The following SND1 variants were observed in gnomAD, a reference collection of about 807,000 sequenced individuals.
SND1 encodes staphylococcal nuclease domain-containing protein 1.
SND1 carries 38 observed loss-of-function variants against 121.7 expected under a neutral mutation model. The observed-to-expected ratio is 0.31, with a 90% CI of 0.24 to 0.41. The LOEUF (loss-of-function observed/expected upper bound fraction) is 0.41, where lower values mean the gene tolerates loss of function less well. Among genes scored for constraint, SND1 ranks in the 10% least tolerant of loss-of-function variants. The probability of loss-of-function intolerance (pLI) is 1.00; values close to 1 mark genes in which losing one functional copy is unlikely to be tolerated. For missense variants in SND1, 868 were observed against 1,184.6 expected (o/e 0.73, Z 3.92); for synonymous variants, 401 against 447.4 (o/e 0.90, Z 1.31).
At chr7:127,696,789 A>G (rs1796012993) in intron 3 of SND1, among the ~76,000 whole-genome samples, 2 of 152,258 alleles carry the variant, frequency 1.3e-5, no homozygotes, top group African/African-American at 4.8e-5. Flanking sequence ...AAACTGACTC[A>G]CATTACAAAC....
At chr7:127,953,164 G>C (rs912444232) in intron 15 of SND1, among the ~76,000 whole-genome samples, 1 of 39,554 alleles carries the variant, frequency 2.5e-5, no homozygotes, top group Non-Finnish European at 4.6e-5. Context: ...GTGTGTGTGT[G>C]TGTGTGTGTG....
At chr7:127,796,923 C>T (rs1180572294) in intron 10 of SND1, among the ~76,000 whole-genome samples, 4 of 114,222 alleles carry the variant, frequency 3.5e-5, no homozygotes, top group Non-Finnish European at 5.1e-5. Flanking sequence ...TATTGAGTCT[C>T]TCTCTGTCAC....
At chr7:127,914,054 C>G (rs3757767) in intron 14 of SND1, among the ~76,000 whole-genome samples, 133,072 of 152,194 alleles carry the variant, frequency 0.87, 58,470 homozygotes, top group African/African-American at 0.94. Context: ...AGTTGTTCAG[C>G]AAATGGTGTT....
chr7:128,008,398 G>A (rs974970331), intron 16 of SND1, among the ~76,000 whole-genome samples: 5 of 151,908 alleles, frequency 3.3e-5, no homozygotes, highest in African/African-American at 1.2e-4. Flanking sequence ...CCAAATCCAA[G>A]CTTCAGATAA....
At chr7:127,662,416 G>T (rs1164663018) in intron 1 of SND1, among the ~76,000 whole-genome samples, 3 of 152,082 alleles carry the variant, frequency 2.0e-5, no homozygotes, top group Non-Finnish European at 4.4e-5. Flanking sequence ...GTTGATATAT[G>T]TTGTTTTTAG....
At chr7:128,005,639 T>C (rs1223320874) in intron 16 of SND1, among the ~76,000 whole-genome samples, 1 of 152,212 alleles carries the variant, frequency 6.6e-6, no homozygotes, top group African/African-American at 2.4e-5. Context: ...TGATTTACAG[T>C]TGGGATTACT....
At chr7:127,858,672 T>G (rs979681219) in intron 12 of SND1, among the ~76,000 whole-genome samples, 1 of 152,160 alleles carries the variant, frequency 6.6e-6, no homozygotes, top group Non-Finnish European at 1.5e-5. Flanking sequence ...CCATAAACCA[T>G]AATGGACAGG....
At chr7:127,773,833 C>CAT (rs1563008393) in intron 10 of SND1, among the ~76,000 whole-genome samples, 4 of 152,190 alleles carry the variant, frequency 2.6e-5, no homozygotes, top group Admixed American at 2.0e-4. Context: ...GGACAGACCA[C>CAT]ATATACTCTT....
chr7:128,070,272 G>T (rs774250228), intron 16 of SND1, among the ~76,000 whole-genome samples: 29 of 152,170 alleles, frequency 1.9e-4, no homozygotes, highest in Non-Finnish European at 3.8e-4. Context: ...GCTTCAGCAT[G>T]GGCACTAAGT....
At chr7:127,908,175 G>A (rs769438678) in intron 14 of SND1, among the ~76,000 whole-genome samples, 3 of 151,974 alleles carry the variant, frequency 2.0e-5, no homozygotes, top group Admixed American at 1.3e-4. Context: ...CCTCTAGACC[G>A]GGCGTGGTGG....
At chr7:127,972,999 A>G (rs534093272) in intron 15 of SND1, among the ~76,000 whole-genome samples, 7 of 152,328 alleles carry the variant, frequency 4.6e-5, no homozygotes, top group Admixed American at 4.6e-4. Flanking sequence ...TGGAGACAAG[A>G]TTGGAGAGGG....
chr7:127,832,082 C>T, intron 11 of SND1, among the ~76,000 whole-genome samples: 1 of 152,156 alleles, frequency 6.6e-6, no homozygotes, highest in East Asian at 1.9e-4. Context: ...TTCTCAGCAG[C>T]TACATCATAT....
In SND1 at chr7:128,079,657, G is replaced by A. The variant is rs140484671; in HGVS notation, c.1969-1703G>A. On this transcript the variant is annotated intron_variant, in intron 17 of 23. Transcript: ENST00000354725. Reference sequence around the variant, plus strand: ...GTGGAAGAACACACGCTCAGGCCGCGTTAAAGGCAGAAGTGTGGGGTCTGG... The same window carrying A: ...GTGGAAGAACACACGCTCAGGCCGCATTAAAGGCAGAAGTGTGGGGTCTGG... Among the ~76,000 whole-genome samples, 725 of 152,352 alleles carry A rather than the reference G, an allele frequency of 4.8e-3. 12 individuals are homozygous for A. The highest frequency in any genetic ancestry group is 0.045 in the East Asian group (234 of 5,186).
chr7:127,904,720 A>G, intron 13 of SND1, 27 bp from the exon 14 acceptor site: 1 of 1,522,820 alleles, frequency 6.6e-7, no homozygotes. Context: ...TCTTGTTTTA[A>G]TCGGTTTTTC....
At chr7:127,957,386 G>A (rs1349773250) in intron 15 of SND1, among the ~76,000 whole-genome samples, 1 of 152,174 alleles carries the variant, frequency 6.6e-6, no homozygotes, top group East Asian at 1.9e-4. Context: ...CGTTGTGGGG[G>A]TGTTTCTGAT....
chr7:128,018,170 A>G (rs1190949588), intron 16 of SND1, among the ~76,000 whole-genome samples: 1 of 152,220 alleles, frequency 6.6e-6, no homozygotes, highest in East Asian at 1.9e-4. Flanking sequence ...TCAGCAAAAG[A>G]AGCACTTGAG....
At chr7:128,008,921 G>A (rs1306106946) in intron 16 of SND1, among the ~76,000 whole-genome samples, 1 of 152,116 alleles carries the variant, frequency 6.6e-6, no homozygotes, top group Non-Finnish European at 1.5e-5. Flanking sequence ...AGACATGAGG[G>A]CTATATTTAG....
chr7:127,824,810 C>T (rs909518623), intron 11 of SND1, among the ~76,000 whole-genome samples: 4 of 151,990 alleles, frequency 2.6e-5, no homozygotes, highest in South Asian at 2.1e-4. Flanking sequence ...TTTCTTAGTT[C>T]CTGACCTTGG....
chr7:128,087,713 T>G (rs898547302), intron 21 of SND1, among the ~76,000 whole-genome samples: 4 of 152,082 alleles, frequency 2.6e-5, no homozygotes, highest in African/African-American at 9.7e-5. Flanking sequence ...GTTAAAACCA[T>G]GCGGTGTACA....
Sources: gnomAD v4.1 joint callset for allele counts (sites outside exome capture counted in the v4.1 genomes callset) on GRCh38, gnomAD v4.1.1 for gene constraint, MANE v1.5 for transcripts, NCBI Gene and HGNC (gene_info 2026-07-23, HGNC 2026-07-21) for gene names.